The following TLN2 variants were observed in gnomAD, a reference collection of about 807,000 sequenced individuals.
The protein encoded by TLN2 is talin-2.
A neutral mutation model predicts 294.7 loss-of-function variants in TLN2; 118 were observed. That is an observed-to-expected ratio of 0.40 (90% CI 0.34 to 0.47). The LOEUF is 0.47. TLN2 is among the 20% of genes least tolerant of loss of function. The probability of loss-of-function intolerance (pLI) is 0.84; values close to 1 mark genes in which losing one functional copy is unlikely to be tolerated. For missense variants in TLN2, 3,083 were observed against 3,282.2 expected (o/e 0.94, Z 1.48); for synonymous variants, 1,431 against 1,304.5 (o/e 1.10, Z -2.09).
chr15:62,593,660 T>C (rs892938527), intron 2 of TLN2, among the ~76,000 whole-genome samples: 2 of 152,240 alleles, frequency 1.3e-5, no homozygotes, highest in African/African-American at 2.4e-5. Context: ...AAACAATCAC[T>C]TTTCTTTTTT....
At chr15:62,619,495 G>A (rs542271137) in intron 3 of TLN2, among the ~76,000 whole-genome samples, 1 of 152,336 alleles carries the variant, frequency 6.6e-6, no homozygotes, top group Admixed American at 6.5e-5. Flanking sequence ...AACAACTGTA[G>A]TGGGTTGAAT....
intron 2 of TLN2, among the ~76,000 whole-genome samples, chr15:62,617,580 T>C (rs2048413918): frequency 6.6e-6 from 1 of 152,162 alleles, no homozygotes; most frequent in Non-Finnish European, 1.5e-5. Flanking sequence ...GTGTTGGTGG[T>C]CACCACCCTG....
At position 62,497,868 on chromosome 15, in the gene TLN2, C is replaced by T. The variant is rs534689038; in HGVS notation, c.-237-91819C>T. 4.2e-4 allele frequency among the ~76,000 whole-genome samples: 64 copies of T among 152,088 alleles called. 3 individuals carry two copies. Among genetic ancestry groups the T allele is most frequent in the Admixed American group, 3.6e-3 (55 of 15,272 alleles). On this transcript the variant is annotated intron_variant, in intron 1 of 58. Coordinates refer to ENST00000636159, the MANE Select transcript of TLN2 (RefSeq NM_015059.3). ...ATGTTATATAGCATTCTGGCTTCCC[C>T]GTGCTGCTGACCAAGCGTGGACAGT...
Position 62,557,170 on chromosome 15 carries a change from C to G in TLN2, c.-237-32517C>G, listed in dbSNP as rs138713115. The stretch of plus-strand genomic sequence containing the variant: ...TATTTTTCTTCAAGGAGGATGTGAG[C>G]GGGATCAAGGGTTCTCACCAGTGGC... On this transcript the variant is annotated intron_variant, in intron 1 of 58. Transcript: ENST00000636159. 9.0e-4 allele frequency among the ~76,000 whole-genome samples: 137 copies of G among 152,184 alleles called. 1 individual carries two copies. In the East Asian group the frequency reaches 0.02, roughly 23 times the overall value.
chr15:62,722,297 C>T (rs1320481860), intron 25 of TLN2, 56 bp from the exon 26 acceptor site: 2 of 1,559,668 alleles, frequency 1.3e-6, no homozygotes, highest in African/African-American at 2.7e-5. Flanking sequence ...TTAGGTCTCT[C>T]CTCTCTACCT....
rs1314294520 is a variant in TLN2, at chr15:62,842,793, TACTC to T, written c.*2186_*2189del. On this transcript the variant is annotated 3_prime_UTR_variant, in exon 59 of 59. Transcript: ENST00000636159. Reference sequence around the variant, plus strand: ...TTTATTTTTGTAGGAGCTATATAAATACTCACCTTTCTGGAGTCGTCCAGTGCTG... The same window carrying T: ...TTTATTTTTGTAGGAGCTATATAAATACCTTTCTGGAGTCGTCCAGTGCTG... 6.6e-6 allele frequency: 1 copy of T among 152,196 alleles called. No individual in the cohort carries two copies. Among genetic ancestry groups the T allele is most frequent in the African/African-American group, 2.4e-5 (1 of 41,456 alleles). The allele number at this position is 152,196 out of a possible 1,614,324, so 9.4% of individuals were successfully genotyped here.
At chr15:62,486,313 A>G (rs1474087718) in intron 1 of TLN2, among the ~76,000 whole-genome samples, 2 of 152,128 alleles carry the variant, frequency 1.3e-5, no homozygotes, top group African/African-American at 4.8e-5. Flanking sequence ...TGCAGTTCAT[A>G]TCCAAATTTT....
chr15:62,803,105 T>A (rs1393523543), intron 50 of TLN2, among the ~76,000 whole-genome samples: 1 of 152,128 alleles, frequency 6.6e-6, no homozygotes, highest in Non-Finnish European at 1.5e-5. Flanking sequence ...TATTCTGGAG[T>A]AAATGTTTTT....
chr15:62,427,548 A>C (rs1257776286), intron 1 of TLN2, among the ~76,000 whole-genome samples: 1 of 152,030 alleles, frequency 6.6e-6, no homozygotes. Flanking sequence ...GGATTTAGCC[A>C]TGTTTACCCT....
chr15:62,573,015 G>C (rs910104056), intron 1 of TLN2, among the ~76,000 whole-genome samples: 6 of 150,050 alleles, frequency 4.0e-5, no homozygotes, highest in Non-Finnish European at 7.4e-5. Context: ...CTCATAGCTA[G>C]TGGCTCCAGT....
At chr15:62,621,224 G>A (rs888247379) in intron 3 of TLN2, among the ~76,000 whole-genome samples, 21 of 152,098 alleles carry the variant, frequency 1.4e-4, no homozygotes, top group Admixed American at 7.2e-4. Context: ...ACCTTTGTCA[G>A]CACTCAAGGA....
chr15:62,573,966 T>C (rs1159415906), intron 1 of TLN2, among the ~76,000 whole-genome samples: 2 of 152,098 alleles, frequency 1.3e-5, no homozygotes, highest in African/African-American at 4.8e-5. Context: ...TGCCTTCAAC[T>C]TTGAGTCAAA....
intron 11 of TLN2, among the ~76,000 whole-genome samples, chr15:62,676,728 C>T (rs12911177): frequency 0.46 from 70,108 of 152,050 alleles, 18,549 homozygotes; most frequent in Middle Eastern, 0.63. Flanking sequence ...CATTCTCCTG[C>T]CTCACCCTCC....
intron 3 of TLN2, chr15:62,640,441 C>T (rs975254158): frequency 2.3e-6 from 1 of 440,504 alleles, no homozygotes; most frequent in South Asian, 1.6e-5. Flanking sequence ...GGTATGGTAG[C>T]CTGGCCCTCT....
At chr15:62,740,047 G>GTTTTTT (rs566155596) in intron 31 of TLN2, among the ~76,000 whole-genome samples, 2 of 136,214 alleles carry the variant, frequency 1.5e-5, no homozygotes, top group Admixed American at 7.3e-5. Context: ...TGTGTTTTTT[G>GTTTTTT]TTTTTTTTTT....
chr15:62,533,194 C>T (rs1046924315), intron 1 of TLN2, among the ~76,000 whole-genome samples: 6 of 135,488 alleles, frequency 4.4e-5, no homozygotes, highest in Admixed American at 1.7e-4. Flanking sequence ...GCAGAGGTTA[C>T]AGTGAGCCGA....
intron 2 of TLN2, among the ~76,000 whole-genome samples, chr15:62,608,995 G>C (rs1232921128): frequency 1.3e-5 from 2 of 152,084 alleles, no homozygotes; most frequent in Non-Finnish European, 2.9e-5. Context: ...TTGAGGCTGT[G>C]CAAGGGAGCA....
chr15:62,655,316 G>A (rs1044360992), intron 7 of TLN2, among the ~76,000 whole-genome samples: 2 of 150,754 alleles, frequency 1.3e-5, no homozygotes, highest in Non-Finnish European at 3.0e-5. Context: ...AAAGTGTAGA[G>A]GGGAGTGGTC....
chr15:62,450,510 C>CGTGT (rs1197968142), intron 1 of TLN2, among the ~76,000 whole-genome samples: 53 of 144,136 alleles, frequency 3.7e-4, no homozygotes, highest in African/African-American at 1.3e-3. Context: ...TGGCCCCCAT[C>CGTGT]GTGTATGTAT....
Sources: gnomAD v4.1 joint callset for allele counts (sites outside exome capture counted in the v4.1 genomes callset) on GRCh38, gnomAD v4.1.1 for gene constraint, MANE v1.5 for transcripts, NCBI Gene and HGNC (gene_info 2026-07-23, HGNC 2026-07-21) for gene names.